CMTM7: variants seen among roughly 807,000 people sequenced by gnomAD.
The protein encoded by CMTM7 is CKLF-like MARVEL transmembrane domain-containing protein 7.
A neutral mutation model predicts 19.3 loss-of-function variants in CMTM7; 7 were observed. The observed-to-expected ratio is 0.36, with a 90% CI of 0.21 to 0.68. The LOEUF is 0.68. Among genes scored for constraint, CMTM7 ranks in the 30% least tolerant of loss-of-function variants. The pLI is 0.60. For missense variants in CMTM7, 193 were observed against 232.6 expected, an observed-to-expected ratio of 0.83 and a Z score of 1.11; for synonymous variants, 87 against 99.3, an observed-to-expected ratio of 0.88 and a Z score of 0.74.
chr3:32,431,201 A>G (rs138478124), intron 1 of CMTM7, among the ~76,000 whole-genome samples: 100 of 152,324 alleles, frequency 6.6e-4, no homozygotes, highest in African/African-American at 2.3e-3. Context: ...ATAAAACTAT[A>G]TGTACAGTAT....
intron 1 of CMTM7, among the ~76,000 whole-genome samples, chr3:32,410,161 C>T (rs1304091736): frequency 2.0e-5 from 3 of 152,220 alleles, no homozygotes; most frequent in African/African-American, 7.2e-5. Flanking sequence ...CTGCTACCAT[C>T]ACTCTATCCT....
At chr3:32,423,458 G>T (rs774031560) in intron 1 of CMTM7, among the ~76,000 whole-genome samples, 3 of 152,208 alleles carry the variant, frequency 2.0e-5, no homozygotes, top group African/African-American at 4.8e-5. Context: ...GCCGAGAGGA[G>T]GGTGGAGGCA....
At chr3:32,424,651 T>C (rs1485389032) in intron 1 of CMTM7, among the ~76,000 whole-genome samples, 2 of 140,978 alleles carry the variant, frequency 1.4e-5, no homozygotes, top group Non-Finnish European at 3.2e-5. Context: ...TTTTTTTTTT[T>C]GCGGCTGGGG....
chr3:32,435,354 A>C (rs1696582637), intron 1 of CMTM7, among the ~76,000 whole-genome samples: 2 of 152,338 alleles, frequency 1.3e-5, no homozygotes, highest in African/African-American at 4.8e-5. Flanking sequence ...CAGTGAGCGG[A>C]GCTTGTGCCA....
chr3:32,424,784 C>T (rs1363203152), intron 1 of CMTM7, among the ~76,000 whole-genome samples: 1 of 152,086 alleles, frequency 6.6e-6, no homozygotes, highest in African/African-American at 2.4e-5. Flanking sequence ...GTAGCTGGAC[C>T]ACAGGTGTGC....
intron 3 of CMTM7, among the ~76,000 whole-genome samples, chr3:32,450,295 T>C (rs892942616): frequency 6.6e-6 from 1 of 152,178 alleles, no homozygotes; most frequent in Admixed American, 6.5e-5. Context: ...TCAAGCCAGA[T>C]GTGGTAGCTA....
At chr3:32,443,721 C>CAA (rs1049301552) in intron 2 of CMTM7, among the ~76,000 whole-genome samples, 7 of 152,150 alleles carry the variant, frequency 4.6e-5, no homozygotes, top group African/African-American at 1.7e-4. Flanking sequence ...ACATCTTTGC[C>CAA]AACACTTATT....
chr3:32,429,216 C>T (rs917259523), intron 1 of CMTM7, among the ~76,000 whole-genome samples: 7 of 151,832 alleles, frequency 4.6e-5, no homozygotes, highest in African/African-American at 1.7e-4. Flanking sequence ...GTGATGACTG[C>T]AAATCTGAAT....
chr3:32,443,532 A>T (rs190617514), intron 2 of CMTM7, among the ~76,000 whole-genome samples: 1 of 152,296 alleles, frequency 6.6e-6, no homozygotes, highest in African/African-American at 2.4e-5. Context: ...ATGAGCATTC[A>T]TATACAAGTT....
Position 32,441,827 on chromosome 3 carries a change from A to AT in CMTM7, c.160-10dup, listed in dbSNP as rs1696680871. ...GGGCAAGCATTTCTCTGATGTCTCTATTTATGTGGCAGGTCACCCTGCTGA... is the reference window on the plus strand; with the variant it reads ...GGGCAAGCATTTCTCTGATGTCTCTATTTTATGTGGCAGGTCACCCTGCTGA... On this transcript the variant is annotated splice_polypyrimidine_tract_variant and intron_variant, in intron 1 of 4. Transcript: ENST00000334983. 6.2e-7 allele frequency: 1 copy of AT among 1,612,860 alleles called. No homozygotes were observed. Among genetic ancestry groups the AT allele is most frequent in the African/African-American group, 1.3e-5 (1 of 74,830 alleles).
Position 32,391,949 on chromosome 3 carries a change from G to T in CMTM7, c.43G>T (p.Gly15Cys), listed in dbSNP as rs1050523163. Residue 15 changes from glycine (G) to cysteine (C), a missense_variant, in exon 1 of 5, where the codon GGC (glycine) becomes TGC (cysteine). Physicochemically the swap from Gly to Cys is radical, Grantham distance 159 (BLOSUM62 -3). Transcript: ENST00000334983. ...GCTCGTCCGCACCACGTGCAGCAGC[G>T]GCAGCGCGCTCGGACCCGGGGCCGG... is the stretch of plus-strand genomic sequence containing the variant. ...AGLVRTTCSS[G>C]SALGPGAGAA... 9.8e-6 allele frequency: 12 copies of T among 1,229,790 alleles called. No homozygotes were observed. Among genetic ancestry groups the T allele is most frequent in the African/African-American group, 1.6e-5 (1 of 64,164 alleles). 76.2% of individuals were successfully genotyped at this position (1,229,790 alleles called of 1,614,324 possible). A position where few individuals can be genotyped will look rare whatever the true frequency, so the allele number is the denominator to read the frequency against.
chr3:32,415,434 G>A (rs1482382948), intron 1 of CMTM7, among the ~76,000 whole-genome samples: 1 of 152,164 alleles, frequency 6.6e-6, no homozygotes, highest in Non-Finnish European at 1.5e-5. Flanking sequence ...CTGTCATGCT[G>A]CCTTTTCAGT....
intron 1 of CMTM7, among the ~76,000 whole-genome samples, chr3:32,422,759 A>T (rs1180333165): frequency 6.6e-6 from 1 of 152,200 alleles, no homozygotes; most frequent in Non-Finnish European, 1.5e-5. Flanking sequence ...TAAGTCAAAA[A>T]CGCATTTAAT....
At chr3:32,404,107 A>G (rs948156635) in intron 1 of CMTM7, among the ~76,000 whole-genome samples, 6 of 148,068 alleles carry the variant, frequency 4.1e-5, no homozygotes, top group Admixed American at 2.0e-4. Context: ...CTGATTTTAC[A>G]TGCAATTTCC....
At chr3:32,393,271 A>C (rs1051949189) in intron 1 of CMTM7, among the ~76,000 whole-genome samples, 1 of 152,246 alleles carries the variant, frequency 6.6e-6, no homozygotes, top group Non-Finnish European at 1.5e-5. Flanking sequence ...GTGTCTAGAT[A>C]GACCAAAAAC....
Position 32,442,359 on chromosome 3 carries a change from C to G in CMTM7, c.333+346C>G, listed in dbSNP as rs1263787308. Among the ~76,000 whole-genome samples the G allele has an allele frequency of 2.0e-5, 3 of 151,792 alleles. No homozygotes were observed. The East Asian group carries it at 5.8e-4, about 29-fold the overall frequency. On this transcript the variant is annotated intron_variant, in intron 2 of 4. Coordinates refer to ENST00000334983, the MANE Select transcript of CMTM7 (RefSeq NM_138410.4). ...TAAAAAATACAAAAAATCAGCCGGGCGTGGTGGCGGGTGCCTGTAGTCCCA... is the reference window on the plus strand; with the variant it reads ...TAAAAAATACAAAAAATCAGCCGGGGGTGGTGGCGGGTGCCTGTAGTCCCA...
At chr3:32,425,296 C>G (rs1174786377) in intron 1 of CMTM7, among the ~76,000 whole-genome samples, 1 of 152,120 alleles carries the variant, frequency 6.6e-6, no homozygotes, top group African/African-American at 2.4e-5. Context: ...TCAGCAAGGG[C>G]TGTAGATCCT....
chr3:32,452,380 T>C lies in CMTM7; in HGVS notation c.433-12T>C, dbSNP rs1388058547. ...TGGCCTGTGAACTTCCTCTCCCCTCTCTCCACTGCAGATCTTTGGTTTCAT... is the reference window on the plus strand; with the variant it reads ...TGGCCTGTGAACTTCCTCTCCCCTCCCTCCACTGCAGATCTTTGGTTTCAT... On this transcript the variant is annotated splice_polypyrimidine_tract_variant and intron_variant, in intron 3 of 4. Transcript: ENST00000334983. 3.1e-6 allele frequency: 5 copies of C among 1,613,858 alleles called. No homozygotes were observed. The East Asian group carries it at 6.7e-5, about 22-fold the overall frequency.
At chr3:32,419,770 T>C (rs966424946) in intron 1 of CMTM7, among the ~76,000 whole-genome samples, 3 of 152,236 alleles carry the variant, frequency 2.0e-5, no homozygotes, top group Non-Finnish European at 2.9e-5. Flanking sequence ...ATGTTGGATA[T>C]GATATGCTAA....
Sources: allele counts gnomAD v4.1 joint callset (sites outside exome capture counted in the v4.1 genomes callset), GRCh38; gene constraint gnomAD v4.1.1; transcripts MANE v1.5; gene names NCBI Gene and HGNC (gene_info 2026-07-23, HGNC 2026-07-21).